The following CCDC148 variants were observed in gnomAD, a reference collection of about 807,000 sequenced individuals.
The protein encoded by CCDC148 is coiled-coil domain-containing protein 148.
In CCDC148, 89 loss-of-function variants were observed where a neutral mutation model predicts 85.7. The ratio of observed to expected loss-of-function variants is 1.04; its 90% CI spans 0.87 to 1.24. The LOEUF is 1.24. CCDC148 is among the 50% of genes most tolerant of loss of function. The pLI is 0.00. For missense variants in CCDC148, 692 were observed against 671.7 expected, an observed-to-expected ratio of 1.03 and a Z score of -0.33; for synonymous variants, 230 against 213.9, an observed-to-expected ratio of 1.08 and a Z score of -0.66.
At chr2:158,178,573 T>C (rs1424338441) in intron 12 of CCDC148, among the ~76,000 whole-genome samples, 2 of 152,150 alleles carry the variant, frequency 1.3e-5, no homozygotes, top group Non-Finnish European at 2.9e-5. Context: ...GTAGACTAGA[T>C]GTAGAGCCTC....
intron 1 of CCDC148, among the ~76,000 whole-genome samples, chr2:158,361,442 CA>C (rs1683941655): frequency 6.6e-6 from 1 of 152,132 alleles, no homozygotes; most frequent in Non-Finnish European, 1.5e-5. Context: ...TGGTTACCCA[CA>C]AAGGGAAGCC....
chr2:158,443,662 T>C (rs987714113), intron 1 of CCDC148, among the ~76,000 whole-genome samples: 23 of 152,014 alleles, frequency 1.5e-4, no homozygotes, highest in African/African-American at 5.5e-4. Context: ...TCTTTCAAAA[T>C]AAAAAAAATC....
chr2:158,264,070 CT>C (rs200103280), intron 9 of CCDC148, among the ~76,000 whole-genome samples: 14 of 150,136 alleles, frequency 9.3e-5, no homozygotes, highest in African/African-American at 2.0e-4. Flanking sequence ...ACCACTGTAA[CT>C]TTTTTTTTAA....
intron 10 of CCDC148, among the ~76,000 whole-genome samples, chr2:158,224,314 G>C (rs1293692032): frequency 2.0e-5 from 3 of 152,220 alleles, no homozygotes; most frequent in Non-Finnish European, 4.4e-5. Flanking sequence ...ATGGGACTAT[G>C]TGAAAAGACC....
rs559112034 is a variant in CCDC148 at position 158,417,231 on chromosome 2, C to T, written c.25+39184G>A. On this transcript the variant is annotated intron_variant, in intron 1 of 13. Coordinates refer to ENST00000283233, the MANE Select transcript of CCDC148 (RefSeq NM_138803.4). ...TGTCTGAATAGTCAGTTGTTCTGAACTTTCTTTGGAACCCAAACACTTTGT... is the reference window on the plus strand; with the variant it reads ...TGTCTGAATAGTCAGTTGTTCTGAATTTTCTTTGGAACCCAAACACTTTGT... Among the ~76,000 whole-genome samples the T allele has an allele frequency of 1.2e-4, 18 of 152,314 alleles. No individual in the cohort carries two copies. In the South Asian group the frequency reaches 3.7e-3, roughly 32 times the overall value.
chr2:158,227,557 T>C (rs746770425), intron 10 of CCDC148, among the ~76,000 whole-genome samples: 4,002 of 152,168 alleles, frequency 0.026, 69 homozygotes, highest in Middle Eastern at 0.041. Context: ...CTTCAAACTA[T>C]ACTACAAGGC....
intron 1 of CCDC148, among the ~76,000 whole-genome samples, chr2:158,450,022 A>G (rs1688339485): frequency 6.7e-6 from 1 of 149,106 alleles, no homozygotes; most frequent in African/African-American, 2.5e-5. Flanking sequence ...AAAATTAACT[A>G]CAGACAAATG....
At chr2:158,393,060 A>G (rs1168405157) in intron 1 of CCDC148, among the ~76,000 whole-genome samples, 1 of 152,150 alleles carries the variant, frequency 6.6e-6, no homozygotes, top group Non-Finnish European at 1.5e-5. Context: ...TAGTTTAAAA[A>G]AAAAAGTTAA....
chr2:158,278,201 A>G (rs1690054063), intron 9 of CCDC148, among the ~76,000 whole-genome samples: 1 of 152,192 alleles, frequency 6.6e-6, no homozygotes, highest in Non-Finnish European at 1.5e-5. Flanking sequence ...TGAGTGACGC[A>G]GAAGACGGGT....
chr2:158,215,355 T>C (rs1686793809), intron 11 of CCDC148, among the ~76,000 whole-genome samples: 1 of 152,128 alleles, frequency 6.6e-6, no homozygotes, highest in African/African-American at 2.4e-5. Flanking sequence ...CCATGTATCA[T>C]TTTGAAGTTT....
At chr2:158,401,514 G>A (rs1169801983) in intron 1 of CCDC148, among the ~76,000 whole-genome samples, 1 of 151,980 alleles carries the variant, frequency 6.6e-6, no homozygotes, top group East Asian at 1.9e-4. Flanking sequence ...TGGACACAGG[G>A]AGGGGAACAT....
At chr2:158,445,838 T>C (rs752876792) in intron 1 of CCDC148, among the ~76,000 whole-genome samples, 3 of 152,136 alleles carry the variant, frequency 2.0e-5, no homozygotes, top group Admixed American at 6.5e-5. Context: ...ATATGTAGTA[T>C]AGACAATTCG....
chr2:158,369,410 T>C (rs906706950), intron 1 of CCDC148, among the ~76,000 whole-genome samples: 1 of 152,128 alleles, frequency 6.6e-6, no homozygotes, highest in Non-Finnish European at 1.5e-5. Flanking sequence ...GCTGTATTCC[T>C]GGTATTTTAT....
chr2:158,291,723 T>C (rs1326570486), intron 9 of CCDC148, among the ~76,000 whole-genome samples: 3 of 152,192 alleles, frequency 2.0e-5, no homozygotes, highest in African/African-American at 7.2e-5. Flanking sequence ...TCTACTGGAA[T>C]CTGAGATCCC....
At chr2:158,425,281 AC>A (rs908000561) in intron 1 of CCDC148, 1 of 537,152 alleles carries the variant, frequency 1.9e-6, no homozygotes, top group Non-Finnish European at 3.7e-6. Context: ...GGTCGCAATC[AC>A]CAAAACAATC....
At chr2:158,217,034 C>T (rs777230522) in intron 11 of CCDC148, among the ~76,000 whole-genome samples, 2 of 151,936 alleles carry the variant, frequency 1.3e-5, no homozygotes, top group Admixed American at 6.6e-5. Context: ...TAATGTCAAC[C>T]GATTCTAGAG....
chr2:158,261,499 A>G (rs1689221149), intron 9 of CCDC148, among the ~76,000 whole-genome samples: 1 of 148,982 alleles, frequency 6.7e-6, no homozygotes. Flanking sequence ...TAATCGCAAC[A>G]AAATCGAAAA....
chr2:158,304,632 C>G (rs1329438105), intron 9 of CCDC148, among the ~76,000 whole-genome samples: 1 of 152,132 alleles, frequency 6.6e-6, no homozygotes, highest in Admixed American at 6.5e-5. Flanking sequence ...TTCATTAGGA[C>G]CTATGAGCTT....
intron 11 of CCDC148, among the ~76,000 whole-genome samples, chr2:158,179,480 G>C (rs566483790): frequency 1.3e-5 from 2 of 151,978 alleles, no homozygotes; most frequent in African/African-American, 4.8e-5. Flanking sequence ...ACAGGAAAGC[G>C]TGGGAGTAAA....
Sources: allele counts gnomAD v4.1 joint callset (sites outside exome capture counted in the v4.1 genomes callset), GRCh38; gene constraint gnomAD v4.1.1; transcripts MANE v1.5; gene names NCBI Gene and HGNC (gene_info 2026-07-23, HGNC 2026-07-21).